INPP4A: variants seen among roughly 807,000 people sequenced by gnomAD.
INPP4A encodes the protein inositol polyphosphate-4-phosphatase type I A.
A neutral mutation model predicts 119.8 loss-of-function variants in INPP4A; 33 were observed. The ratio of observed to expected loss-of-function variants is 0.28; its 90% CI spans 0.21 to 0.37. The LOEUF is 0.37. Ranked by LOEUF, INPP4A falls within the 10% of genes least tolerant of loss-of-function variation. INPP4A has a pLI of 1.00. For synonymous variants in INPP4A, 496 were observed against 500.7 expected (o/e 0.99, Z 0.12); for missense variants, 956 against 1,289.9 (o/e 0.74, Z 3.97).
chr2:98,567,162 G>A (rs1345882270), intron 21 of INPP4A, among the ~76,000 whole-genome samples: 1 of 152,186 alleles, frequency 6.6e-6, no homozygotes, highest in Non-Finnish European at 1.5e-5. Flanking sequence ...ACAAGTGTGA[G>A]GAGGAGGCTG....
chr2:98,559,938 A>C lies in INPP4A; in HGVS notation c.1855+443A>C, dbSNP rs539120737. ...TTATGGTTCTAGTTCAGGGGTTGGC[A>C]AGCTACAGCTCTGAGCTAAATCTTG... On this transcript the variant is annotated intron_variant, in intron 17 of 24. Coordinates refer to ENST00000409851, the MANE Select transcript of INPP4A (RefSeq NM_001134225.2). Among the ~76,000 whole-genome samples the C allele has an allele frequency of 7.2e-5, 11 of 152,344 alleles. No individual in the cohort carries two copies. The South Asian group carries it at 2.3e-3, about 32-fold the overall frequency.
At chr2:98,564,531 T>A in intron 18 of INPP4A, 109 bp from the exon 19 acceptor site, 2 of 1,366,948 alleles carry the variant, frequency 1.5e-6, no homozygotes, top group Non-Finnish European at 2.0e-6. Context: ...TGAAGCCCCT[T>A]TGAGCAGTGG....
chr2:98,546,085 TC>T lies in INPP4A; in HGVS notation c.1054+13del, dbSNP rs1424399417. ...CGATGGAGGATCAGGTACCTATTTT[TC>T]TGCTCCCTCTTGTTGAATCACATTT... On this transcript the variant is annotated intron_variant, in intron 12 of 24. Coordinates refer to ENST00000409851, the MANE Select transcript of INPP4A (RefSeq NM_001134225.2). This position sits in a 1 kb window ranked among gnomAD's most constrained non-coding sequence, Gnocchi z 4.2. 2.6e-6 allele frequency: 4 copies of T among 1,528,606 alleles called. No individual in the cohort carries two copies. The highest frequency in any genetic ancestry group is 1.7e-4 in the Middle Eastern group (1 of 5,930). 94.7% of individuals were successfully genotyped at this position (1,528,606 alleles called of 1,614,324 possible).
At chr2:98,534,092 T>C (rs1574957145) in intron 5 of INPP4A, among the ~76,000 whole-genome samples, 1 of 152,374 alleles carries the variant, frequency 6.6e-6, no homozygotes, top group South Asian at 2.1e-4. Flanking sequence ...ATTATCAAAC[T>C]TAAACTGCAT....
Position 98,533,416 on chromosome 2 carries a change from C to G in INPP4A, c.191C>G (p.Pro64Arg), listed in dbSNP as rs1197609651. 2 of 1,613,670 alleles carry G rather than the reference C, an allele frequency of 1.2e-6. No homozygotes were observed. The highest frequency in any genetic ancestry group is 1.7e-6 in the Non-Finnish European group (2 of 1,179,810). The stretch of plus-strand genomic sequence containing the variant: ...CATACTCCATCGCTAGATCGAAAGC[C>G]AAATAGTTTTGTTGCGGTGAGTGTC... ...ELHTPSLDRK[P>R]NSFVAVSVTT... The change falls in exon 5 of 25, where the codon CCA (proline) becomes CGA (arginine). Residue 64 changes from proline to arginine, a missense_variant. Pro to Arg is a moderately radical substitution (Grantham distance 103, BLOSUM62 -2). Around this residue, in one of 2 missense-constraint regions of INPP4A, gnomAD observed 652 missense variants for 797.9 expected, o/e 0.82. Coordinates refer to ENST00000409851, the MANE Select transcript of INPP4A (RefSeq NM_001134225.2).
intron 1 of INPP4A, among the ~76,000 whole-genome samples, chr2:98,500,062 G>T (rs1447893370): frequency 6.6e-6 from 1 of 152,218 alleles, no homozygotes; most frequent in African/African-American, 2.4e-5. Context: ...ATTCTCCAGA[G>T]AGAATGTGTC....
chr2:98,445,653 G>A (rs1694059846), intron 1 of INPP4A, among the ~76,000 whole-genome samples: 1 of 152,224 alleles, frequency 6.6e-6, no homozygotes, highest in Admixed American at 6.5e-5. Flanking sequence ...TGAAAAGCCA[G>A]CCAGGAATGG....
intron 7 of INPP4A, among the ~76,000 whole-genome samples, chr2:98,536,445 C>T (rs181171134): frequency 6.6e-6 from 1 of 152,180 alleles, no homozygotes; most frequent in East Asian, 1.9e-4. Context: ...TAAAGGAAGG[C>T]CTAGATACAT....
chr2:98,458,849 C>T (rs534747431), intron 1 of INPP4A, among the ~76,000 whole-genome samples: 15 of 152,280 alleles, frequency 9.9e-5, no homozygotes, highest in South Asian at 6.2e-4. Context: ...TAGGCAGCAT[C>T]GGCGGATCAT....
At chr2:98,524,093 T>C (rs1156345817) in intron 4 of INPP4A, among the ~76,000 whole-genome samples, 1 of 152,230 alleles carries the variant, frequency 6.6e-6, no homozygotes, top group Non-Finnish European at 1.5e-5. Flanking sequence ...AGCCTCCTAC[T>C]GCTGGACATT....
intron 1 of INPP4A, among the ~76,000 whole-genome samples, chr2:98,513,446 T>C (rs1360216486): frequency 6.6e-6 from 1 of 152,264 alleles, no homozygotes; most frequent in Non-Finnish European, 1.5e-5. Flanking sequence ...ATTGGTTATG[T>C]AGAGACATTC....
intron 1 of INPP4A, among the ~76,000 whole-genome samples, chr2:98,515,303 A>T (rs1387689085): frequency 6.6e-6 from 1 of 151,952 alleles, no homozygotes. Flanking sequence ...GAGGCTGCTG[A>T]CTCATGCTCA....
intron 1 of INPP4A, among the ~76,000 whole-genome samples, chr2:98,506,350 C>G (rs1292910799): frequency 6.6e-6 from 1 of 152,224 alleles, no homozygotes; most frequent in African/African-American, 2.4e-5. Context: ...TGCTGCTGAC[C>G]TTGAGGGAGC....
At chr2:98,514,702 A>C (rs1685768811) in intron 1 of INPP4A, among the ~76,000 whole-genome samples, 1 of 152,112 alleles carries the variant, frequency 6.6e-6, no homozygotes, top group South Asian at 2.1e-4. Flanking sequence ...GATTGCTTGA[A>C]GTCAGGAGTT....
chr2:98,566,204 G>A lies in INPP4A; in HGVS notation c.2420+35G>A. 6.5e-7 allele frequency: 1 copy of A among 1,547,344 alleles called. No homozygotes were observed. Among genetic ancestry groups the A allele is most frequent in the Non-Finnish European group, 8.7e-7 (1 of 1,142,956 alleles). ...GGCTCCTCGGGGCTGCGGGGGTGTG[G>A]TGGCCCTGGAGATGATGCAGAAAAC... is the stretch of plus-strand genomic sequence containing the variant. On this transcript the variant is annotated intron_variant, in intron 21 of 24. Coordinates refer to ENST00000409851, the MANE Select transcript of INPP4A (RefSeq NM_001134225.2). This position sits in a 1 kb window ranked among gnomAD's most constrained non-coding sequence, Gnocchi z 4.2.
At chr2:98,542,330 C>T (rs1283548378) in intron 10 of INPP4A, among the ~76,000 whole-genome samples, 5 of 152,162 alleles carry the variant, frequency 3.3e-5, no homozygotes, top group African/African-American at 9.7e-5. Context: ...AATGGCACAG[C>T]TTTTAAAAAC....
At chr2:98,580,060 G>A (rs752935050) in intron 24 of INPP4A, among the ~76,000 whole-genome samples, 5 of 152,206 alleles carry the variant, frequency 3.3e-5, no homozygotes, top group African/African-American at 9.6e-5. Context: ...CTGTTCAGGC[G>A]GCTGCAAGCC....
chr2:98,506,843 A>T (rs1483435491), intron 1 of INPP4A, among the ~76,000 whole-genome samples: 1 of 152,194 alleles, frequency 6.6e-6, no homozygotes, highest in Non-Finnish European at 1.5e-5. Flanking sequence ...CCCCTGTGGC[A>T]GGGAGGGGGA....
At chr2:98,500,279 C>G (rs1682853996) in intron 1 of INPP4A, among the ~76,000 whole-genome samples, 1 of 152,060 alleles carries the variant, frequency 6.6e-6, no homozygotes, top group Non-Finnish European at 1.5e-5. Context: ...GCCAGAGGTT[C>G]CAACAGCCAG....
Sources: gnomAD v4.1 joint callset for allele counts (sites outside exome capture counted in the v4.1 genomes callset) on GRCh38, gnomAD v4.1.1 for gene constraint, gnomAD v4.1.1 regional missense constraint, Gnocchi (gnomAD v3.1) non-coding constraint, MANE v1.5 for transcripts, NCBI Gene and HGNC (gene_info 2026-07-23, HGNC 2026-07-21) for gene names.